NCK2: variants seen among roughly 807,000 people sequenced by gnomAD.
NCK2 encodes the protein cytoplasmic protein NCK2.
Under a neutral mutation model 33.9 loss-of-function variants are expected in NCK2, and 16 were observed. That is an observed-to-expected ratio of 0.47 (90% confidence interval 0.32 to 0.72). The LOEUF is 0.72. Ranked by LOEUF, NCK2 falls within the 30% of genes least tolerant of loss-of-function variation. The probability of loss-of-function intolerance (pLI) is 0.03; values close to 1 mark genes in which losing one functional copy is unlikely to be tolerated. For missense variants in NCK2, 418 were observed against 537.3 expected (o/e 0.78, Z 2.19); for synonymous variants, 273 against 239.9 (o/e 1.14, Z -1.27).
At chr2:105,753,855 C>T (rs897201788) in intron 1 of NCK2, among the ~76,000 whole-genome samples, 3 of 152,216 alleles carry the variant, frequency 2.0e-5, no homozygotes, top group African/African-American at 4.8e-5. Flanking sequence ...TCCAAGGTGG[C>T]TTTGAAATCT....
At chr2:105,877,614 C>T (rs77623586) in intron 3 of NCK2, among the ~76,000 whole-genome samples, 7,767 of 152,268 alleles carry the variant, frequency 0.051, 225 homozygotes, top group South Asian at 0.084. Context: ...GAAAAGGTTT[C>T]TCTCTGCTTG....
intron 2 of NCK2, among the ~76,000 whole-genome samples, chr2:105,844,589 A>C (rs1573192856): frequency 2.1e-5 from 3 of 144,868 alleles, no homozygotes; most frequent in African/African-American, 5.0e-5. Context: ...AAAAAAAAAA[A>C]CAGCTGGGCA....
At chr2:105,789,214 G>A (rs1410259373) in intron 1 of NCK2, among the ~76,000 whole-genome samples, 1 of 152,054 alleles carries the variant, frequency 6.6e-6, no homozygotes, top group African/African-American at 2.4e-5. Context: ...TGGAGACAGA[G>A]TCTTACCCTA....
At chr2:105,832,744 A>G (rs750822216) in intron 2 of NCK2, among the ~76,000 whole-genome samples, 1 of 150,088 alleles carries the variant, frequency 6.7e-6, no homozygotes, top group Non-Finnish European at 1.5e-5. Flanking sequence ...TATGTTCATC[A>G]GGCACATTGG....
intron 1 of NCK2, among the ~76,000 whole-genome samples, chr2:105,747,681 G>A (rs1014535732): frequency 3.3e-5 from 5 of 152,194 alleles, no homozygotes; most frequent in African/African-American, 1.2e-4. Flanking sequence ...CACTTCAGAT[G>A]CTTAGGAAAT....
chr2:105,770,471 C>T (rs1690097041), intron 1 of NCK2, among the ~76,000 whole-genome samples: 1 of 152,180 alleles, frequency 6.6e-6, no homozygotes, highest in African/African-American at 2.4e-5. Flanking sequence ...CTGAAACTTA[C>T]TGTAAGGTTG....
chr2:105,880,985 T>C (rs1261875003), intron 3 of NCK2, among the ~76,000 whole-genome samples: 2 of 143,052 alleles, frequency 1.4e-5, no homozygotes, highest in Non-Finnish European at 3.0e-5. Context: ...ACGGTCTCGC[T>C]ATGTTGCTTA....
intron 2 of NCK2, among the ~76,000 whole-genome samples, chr2:105,821,913 T>G (rs1375097168): frequency 6.7e-6 from 1 of 150,306 alleles, no homozygotes; most frequent in Non-Finnish European, 1.5e-5. Context: ...CCAGCCCACG[T>G]TCCTTCTGCT....
intron 1 of NCK2, among the ~76,000 whole-genome samples, chr2:105,746,415 C>T (rs1361447997): frequency 6.6e-5 from 10 of 152,228 alleles, no homozygotes; most frequent in Admixed American, 6.5e-4. Context: ...GAAAGTGATT[C>T]AGGGTGTTTT....
intron 3 of NCK2, among the ~76,000 whole-genome samples, chr2:105,863,035 G>A (rs1677604543): frequency 6.6e-6 from 1 of 151,870 alleles, no homozygotes. Flanking sequence ...GTGCCCAGCT[G>A]ATGCTTCACA....
intron 3 of NCK2, among the ~76,000 whole-genome samples, chr2:105,879,640 C>T (rs1317716940): frequency 2.0e-5 from 3 of 152,250 alleles, no homozygotes; most frequent in Non-Finnish European, 4.4e-5. Flanking sequence ...TGCTCTGAAA[C>T]GTACGTGGCC....
At chr2:105,785,998 T>C (rs1308256406) in intron 1 of NCK2, among the ~76,000 whole-genome samples, 1 of 152,224 alleles carries the variant, frequency 6.6e-6, no homozygotes, top group Non-Finnish European at 1.5e-5. Flanking sequence ...CGTAAACGTG[T>C]GTGTGTCCAC....
At chr2:105,868,115 C>A (rs1677834566) in intron 3 of NCK2, among the ~76,000 whole-genome samples, 1 of 152,190 alleles carries the variant, frequency 6.6e-6, no homozygotes, top group Non-Finnish European at 1.5e-5. Flanking sequence ...TGTAGGGCTC[C>A]TGCATGGCCC....
chr2:105,744,865 T>TCGCCGCCGCTGC (rs1369981880), upstream of NCK2: 1 of 153,268 alleles, frequency 6.5e-6, no homozygotes, highest in African/African-American at 2.6e-5. Flanking sequence ...CGGGGGAGGG[T>TCGCCGCCGCTGC]CGCCGCCGCC....
intron 2 of NCK2, among the ~76,000 whole-genome samples, chr2:105,835,417 A>ATG (rs375239852): frequency 6.3e-5 from 5 of 79,098 alleles, no homozygotes; most frequent in Non-Finnish European, 1.5e-4. Flanking sequence ...GTGTATATAT[A>ATG]TATATATTTT....
chr2:105,837,992 C>G (rs1676495745), intron 2 of NCK2, among the ~76,000 whole-genome samples: 2 of 152,182 alleles, frequency 1.3e-5, no homozygotes, highest in African/African-American at 4.8e-5. Flanking sequence ...TGTGCTGTTT[C>G]CAACAGTTTC....
intron 2 of NCK2, among the ~76,000 whole-genome samples, chr2:105,835,386 C>CGTGTATATATATGTATATATATAT: frequency 1.8e-4 from 1 of 5,704 alleles, no homozygotes; most frequent in Admixed American, 3.1e-3. Context: ...CATATATATA[C>CGTGTATATATATGTATATATATAT]ACATATATAT....
At chr2:105,878,419 TAAGAA>T (rs1436987912) in intron 3 of NCK2, among the ~76,000 whole-genome samples, 2 of 151,994 alleles carry the variant, frequency 1.3e-5, no homozygotes, top group African/African-American at 4.8e-5. Context: ...GGTGTTCTTA[TAAGAA>T]AAGGAGATTG....
chr2:105,845,346 A>C (rs1387582327), intron 2 of NCK2, among the ~76,000 whole-genome samples: 1 of 152,134 alleles, frequency 6.6e-6, no homozygotes, highest in Non-Finnish European at 1.5e-5. Flanking sequence ...TGATTAATGT[A>C]GCTGAATTCA....
Sources: gnomAD v4.1 joint callset for allele counts (sites outside exome capture counted in the v4.1 genomes callset) on GRCh38, gnomAD v4.1.1 for gene constraint, MANE v1.5 for transcripts, NCBI Gene and HGNC (gene_info 2026-07-23, HGNC 2026-07-21) for gene names.